The following AKNAD1 variants were observed in gnomAD, a reference collection of about 807,000 sequenced individuals.
AKNAD1 encodes AKNA domain containing 1, also known as protein AKNAD1.
AKNAD1 carries 67 observed loss-of-function variants against 90.8 expected under a neutral mutation model. The ratio of observed to expected loss-of-function variants is 0.74; its 90% confidence interval spans 0.61 to 0.90. The LOEUF is 0.90. Among genes scored for constraint, AKNAD1 ranks in the 40% least tolerant of loss-of-function variants. AKNAD1 has a pLI of 0.00. For synonymous variants in AKNAD1, 327 were observed against 341.4 expected (o/e 0.96, Z 0.46); for missense variants, 957 against 975.4 (o/e 0.98, Z 0.25).
At chr1:108,841,290 A>AG (rs1664544746) in intron 6 of AKNAD1, among the ~76,000 whole-genome samples, 1 of 152,124 alleles carries the variant, frequency 6.6e-6, no homozygotes, top group Non-Finnish European at 1.5e-5. Flanking sequence ...GAGGTTGGAG[A>AG]GCAGACTAAG....
intron 9 of AKNAD1, among the ~76,000 whole-genome samples, chr1:108,834,087 G>A (rs974687110): frequency 6.6e-5 from 10 of 152,042 alleles, no homozygotes; most frequent in African/African-American, 2.2e-4. Context: ...AATGTGGTCC[G>A]CAGACCAGAA....
intron 7 of AKNAD1, 151 bp downstream of exon 7, chr1:108,837,399 A>C: frequency 1.4e-6 from 1 of 719,450 alleles, no homozygotes; most frequent in East Asian, 2.7e-5. Flanking sequence ...AGCTGGTTCC[A>C]TTTAAAATAA....
chr1:108,825,008 T>G (rs1663947790), intron 11 of AKNAD1, among the ~76,000 whole-genome samples: 1 of 151,700 alleles, frequency 6.6e-6, no homozygotes, highest in African/African-American at 2.4e-5. Flanking sequence ...CTCTCTTGGA[T>G]CACTTGCTCT....
intron 2 of AKNAD1, among the ~76,000 whole-genome samples, chr1:108,851,197 G>A (rs558076245): frequency 4.9e-4 from 74 of 152,296 alleles, no homozygotes; most frequent in African/African-American, 1.7e-3. Flanking sequence ...CACTCTGATG[G>A]AACGACTAAA....
At chr1:108,845,507 C>T (rs1405893692) in intron 5 of AKNAD1, among the ~76,000 whole-genome samples, 5 of 152,352 alleles carry the variant, frequency 3.3e-5, no homozygotes, top group South Asian at 4.1e-4. Context: ...GAGCTCCCCA[C>T]GGGTCCTTCC....
intron 9 of AKNAD1, among the ~76,000 whole-genome samples, chr1:108,831,076 C>T (rs1052581975): frequency 6.6e-6 from 1 of 152,138 alleles, no homozygotes; most frequent in Non-Finnish European, 1.5e-5. Context: ...TTAATCTGAC[C>T]GCTGGCTAGT....
At chr1:108,827,122 T>C (rs532353454) in intron 11 of AKNAD1, 83 bp downstream of exon 11, 14 of 940,514 alleles carry the variant, frequency 1.5e-5, no homozygotes, top group South Asian at 1.4e-4. Context: ...GAGTGGCAGA[T>C]GGCAAGCTGG....
At chr1:108,816,645 A>G (rs1244891230) in intron 15 of AKNAD1, among the ~76,000 whole-genome samples, 3 of 152,168 alleles carry the variant, frequency 2.0e-5, no homozygotes, top group Non-Finnish European at 4.4e-5. Flanking sequence ...ATAACCACTG[A>G]GAGGGTATTC....
chr1:108,850,509 G>C (rs1399812652), intron 2 of AKNAD1, among the ~76,000 whole-genome samples: 1 of 152,154 alleles, frequency 6.6e-6, no homozygotes, highest in Non-Finnish European at 1.5e-5. Context: ...CTCAGACCTA[G>C]AGAGCATCCC....
At chr1:108,846,307 C>T (rs1048377332) in intron 5 of AKNAD1, among the ~76,000 whole-genome samples, 1 of 152,164 alleles carries the variant, frequency 6.6e-6, no homozygotes, top group Non-Finnish European at 1.5e-5. Flanking sequence ...CCTCACATAC[C>T]TGATAACATC....
chr1:108,816,814 C>T, intron 15 of AKNAD1: 1 of 446,452 alleles, frequency 2.2e-6, no homozygotes. Flanking sequence ...GCTGAGGCAC[C>T]ACCCACAAAT....
chr1:108,833,992 A>G (rs1664293347), intron 9 of AKNAD1, among the ~76,000 whole-genome samples: 1 of 152,098 alleles, frequency 6.6e-6, no homozygotes, highest in Non-Finnish European at 1.5e-5. Flanking sequence ...ATTATAATAT[A>G]ATATCATTTA....
At chr1:108,829,049 A>G (rs1242932615) in intron 10 of AKNAD1, among the ~76,000 whole-genome samples, 1 of 151,874 alleles carries the variant, frequency 6.6e-6, no homozygotes, top group Non-Finnish European at 1.5e-5. Context: ...TGAAAACAGT[A>G]TGTACCTCAG....
At position 108,817,085 on chromosome 1, in the gene AKNAD1, A is replaced by G. The variant is rs769358260; in HGVS notation, c.2342T>C (p.Leu781Ser). The G allele has an allele frequency of 6.2e-7, 1 of 1,614,128 alleles. No individual in the cohort carries two copies. The highest frequency in any genetic ancestry group is 1.1e-5 in the South Asian group (1 of 91,074). The change falls in exon 15 of 16, where the codon TTA becomes TCA. Residue 781 changes from leucine to serine, a missense_variant. Transcript: ENST00000370001. ...YSCRISGSKS[L>S]CDFDSTEEIK... ...TTCTTCAGTGCTATCAAAGTCACAT[A>G]AGGATTTGCTTCCAGAAATCCTGCA...
rs1231074796 is a variant in AKNAD1 at position 108,823,620 on chromosome 1, A to T, written c.2005T>A (p.Cys669Ser). 1 of 1,614,084 alleles carries T rather than the reference A, an allele frequency of 6.2e-7. No homozygotes were observed. Among genetic ancestry groups the T allele is most frequent in the Non-Finnish European group, 8.5e-7 (1 of 1,180,050 alleles). The change falls in exon 12 of 16, where the codon TGT becomes AGT. Residue 669 changes from cysteine to serine, a missense_variant. Coordinates refer to ENST00000370001, the MANE Select transcript of AKNAD1 (RefSeq NM_152763.5). ...TEMQSNKCQD[C>S]GTKIPTSRRA... The stretch of plus-strand genomic sequence containing the variant: ...CGGGAGGTAGGAATCTTAGTGCCAC[A>T]GTCCTGACATTTGTTACTCTGCATT...
At chr1:108,848,411 A>C (rs1339717019) in intron 5 of AKNAD1, among the ~76,000 whole-genome samples, 2 of 152,130 alleles carry the variant, frequency 1.3e-5, no homozygotes, top group African/African-American at 2.4e-5. Flanking sequence ...AATTTTTATA[A>C]CCTGAATTCA....
rs1664318548 is a variant in AKNAD1, at chr1:108,834,534, TTA to T, written c.1665-8_1665-7del. Reference sequence around the variant, plus strand: ...CATAATGACCGTTTAGGTAACTAATTTAAAAAAAAAAAAAGCAGTTTGAATGT... The same window carrying T: ...CATAATGACCGTTTAGGTAACTAATTAAAAAAAAAAAAGCAGTTTGAATGT... On this transcript the variant is annotated splice_region_variant and splice_polypyrimidine_tract_variant and intron_variant, in intron 8 of 15. Transcript: ENST00000370001. 4.1e-6 allele frequency: 6 copies of T among 1,459,666 alleles called. No homozygotes were observed. Among genetic ancestry groups the T allele is most frequent in the South Asian group, 2.4e-5 (2 of 82,660 alleles). 90.4% of individuals were successfully genotyped at this position (1,459,666 alleles called of 1,614,324 possible).
intron 3 of AKNAD1, 25 bp from the exon 4 acceptor site, chr1:108,849,085 G>T (rs767148328): frequency 6.5e-7 from 1 of 1,546,654 alleles, no homozygotes; most frequent in Non-Finnish European, 8.7e-7. Flanking sequence ...ACACATTTGG[G>T]CTACCATTCA....
intron 10 of AKNAD1, 104 bp downstream of exon 10, chr1:108,830,455 A>T: frequency 9.5e-7 from 1 of 1,057,902 alleles, no homozygotes; most frequent in Non-Finnish European, 1.4e-6. Flanking sequence ...TGACTCTATA[A>T]CTCAGCCAGT....
Sources: gnomAD v4.1 joint callset for allele counts (sites outside exome capture counted in the v4.1 genomes callset) on GRCh38, gnomAD v4.1.1 for gene constraint, MANE v1.5 for transcripts, NCBI Gene and HGNC (gene_info 2026-07-23, HGNC 2026-07-21) for gene names.